The following GRHL1 variants were observed in gnomAD, a reference collection of about 807,000 sequenced individuals.
GRHL1 encodes the protein grainyhead like transcription factor 1.
Under a neutral mutation model 75.7 loss-of-function variants are expected in GRHL1, and 38 were observed. The ratio of observed to expected loss-of-function variants is 0.50; its 90% CI spans 0.39 to 0.66. The LOEUF is 0.66. Ranked by LOEUF, GRHL1 falls within the 30% of genes least tolerant of loss-of-function variation. GRHL1 has a pLI of 0.00. For synonymous variants in GRHL1, 266 were observed against 279.4 expected (o/e 0.95, Z 0.48); for missense variants, 589 against 767.5 (o/e 0.77, Z 2.75).
At chr2:9,983,169 G>A (rs1443464690) in intron 8 of GRHL1, among the ~76,000 whole-genome samples, 4 of 151,624 alleles carry the variant, frequency 2.6e-5, no homozygotes, top group Non-Finnish European at 4.4e-5. Context: ...CAGGGGCATC[G>A]TGAGCACCGG....
At chr2:9,952,131 C>T (rs1055855811) in intron 1 of GRHL1, among the ~76,000 whole-genome samples, 1 of 151,902 alleles carries the variant, frequency 6.6e-6, no homozygotes, top group East Asian at 1.9e-4. Flanking sequence ...AGGTTGGGTC[C>T]CCTCGGGCGC....
intron 15 of GRHL1, among the ~76,000 whole-genome samples, chr2:9,999,704 TTGTC>T (rs973219604): frequency 1.3e-5 from 2 of 152,234 alleles, no homozygotes; most frequent in African/African-American, 2.4e-5. Context: ...TAGTTCTTTT[TTGTC>T]TGTCTATGAT....
intron 12 of GRHL1, among the ~76,000 whole-genome samples, chr2:9,994,285 C>T (rs1039957796): frequency 6.6e-6 from 1 of 151,278 alleles, no homozygotes; most frequent in Non-Finnish European, 1.5e-5. Context: ...GGTGGGACTA[C>T]AGGCACATGC....
chr2:9,978,762 A>G (rs541716891), intron 8 of GRHL1, among the ~76,000 whole-genome samples: 2 of 152,270 alleles, frequency 1.3e-5, no homozygotes, highest in East Asian at 3.9e-4. Context: ...AGGCCGAGGC[A>G]GATGGATCAC....
At chr2:9,998,461 T>C (rs1238533264) in intron 14 of GRHL1, among the ~76,000 whole-genome samples, 4 of 39,304 alleles carry the variant, frequency 1.0e-4, no homozygotes, top group Admixed American at 3.5e-4. Flanking sequence ...TATATATACA[T>C]ATATATACGT....
rs77607642 is a variant in GRHL1 at position 10,000,586 on chromosome 2, C to G, written c.1743-7C>G. 89 of 1,571,592 alleles carry G rather than the reference C, an allele frequency of 5.7e-5. No homozygotes were observed. In the Admixed American group the frequency reaches 1.2e-3, roughly 22 times the overall value. ...GAAGTTGGTTGGTCTTGTCCCCCCCCATCCAGGATCCTGGTGAACATGGAC... is the reference window on the plus strand; with the variant it reads ...GAAGTTGGTTGGTCTTGTCCCCCCCGATCCAGGATCCTGGTGAACATGGAC... On this transcript the variant is annotated splice_polypyrimidine_tract_variant and splice_region_variant and intron_variant, in intron 15 of 15. Coordinates refer to ENST00000324907, the MANE Select transcript of GRHL1 (RefSeq NM_198182.3).
intron 11 of GRHL1, 37 bp from the exon 12 acceptor site, chr2:9,993,170 C>T: frequency 6.8e-7 from 1 of 1,470,246 alleles, no homozygotes; most frequent in Non-Finnish European, 9.5e-7. Flanking sequence ...ACATTTTGAG[C>T]ATACATTTGA....
chr2:9,976,050 A>G (rs997327594), intron 8 of GRHL1, among the ~76,000 whole-genome samples: 5 of 152,214 alleles, frequency 3.3e-5, no homozygotes, highest in Admixed American at 2.0e-4. Context: ...AGTAGCACAA[A>G]TACCACAGCA....
chr2:9,971,484 G>A (rs75895832), intron 8 of GRHL1, among the ~76,000 whole-genome samples: 2 of 152,136 alleles, frequency 1.3e-5, no homozygotes, highest in Admixed American at 6.5e-5. Context: ...TTAGTGTCTC[G>A]GCAGATTACG....
At chr2:9,984,036 C>G in intron 8 of GRHL1, among the ~76,000 whole-genome samples, 1 of 152,058 alleles carries the variant, frequency 6.6e-6, no homozygotes, top group Admixed American at 6.6e-5. Flanking sequence ...AGCCTGTAAT[C>G]CTGGCTACCC....
At chr2:9,962,282 T>TC (rs1491041321) in intron 4 of GRHL1, among the ~76,000 whole-genome samples, 173 bp from the exon 5 acceptor site, 9 of 152,206 alleles carry the variant, frequency 5.9e-5, no homozygotes, top group African/African-American at 2.2e-4. Flanking sequence ...GTGGATATTT[T>TC]CTCTGTTTTA....
At chr2:9,967,266 C>T (rs1489522022) in intron 8 of GRHL1, among the ~76,000 whole-genome samples, 1 of 152,236 alleles carries the variant, frequency 6.6e-6, no homozygotes, top group African/African-American at 2.4e-5. Context: ...GTGGCCAGCT[C>T]TTCTTCGTTG....
chr2:9,958,174 C>CT (rs61051898), intron 2 of GRHL1, among the ~76,000 whole-genome samples: 4,505 of 130,746 alleles, frequency 0.034, 147 homozygotes, highest in Middle Eastern at 0.1. Context: ...TTCTTTTTTT[C>CT]TTTTTTTTTT....
At chr2:9,988,096 A>G (rs1668498769) in intron 9 of GRHL1, among the ~76,000 whole-genome samples, 2 of 152,048 alleles carry the variant, frequency 1.3e-5, no homozygotes, top group Non-Finnish European at 1.5e-5. Flanking sequence ...TTTGTGTGGC[A>G]TTTTGGTGAT....
At chr2:9,962,016 G>A (rs1251589012) in intron 4 of GRHL1, among the ~76,000 whole-genome samples, 1 of 152,120 alleles carries the variant, frequency 6.6e-6, no homozygotes, top group Non-Finnish European at 1.5e-5. Context: ...TCTGCGTATG[G>A]AGTTAGGGGC....
rs1336579743 is a variant in GRHL1 at position 9,961,456 on chromosome 2, T to G, written c.669+20T>G. 1 of 1,582,990 alleles carries G rather than the reference T, an allele frequency of 6.3e-7. No individual in the cohort carries two copies. The highest frequency in any genetic ancestry group is 8.6e-7 in the Non-Finnish European group (1 of 1,160,232). Reference sequence around the variant, plus strand: ...CAGGAGGTAAGGAAACAAAAACATCTTCCTAAGACGCCTGCGTGTTTGTAT... The same window carrying G: ...CAGGAGGTAAGGAAACAAAAACATCGTCCTAAGACGCCTGCGTGTTTGTAT... On this transcript the variant is annotated intron_variant, in intron 4 of 15. Coordinates refer to ENST00000324907, the MANE Select transcript of GRHL1 (RefSeq NM_198182.3).
intron 8 of GRHL1, among the ~76,000 whole-genome samples, chr2:9,983,308 A>T (rs1572372816): frequency 6.8e-6 from 1 of 147,562 alleles, no homozygotes; most frequent in African/African-American, 2.5e-5. Context: ...GCAAGGTAGC[A>T]TTTTTTTTTT....
chr2:9,998,773 C>CGTATATATGTACACATAT (rs1669093004), intron 14 of GRHL1, among the ~76,000 whole-genome samples, 192 bp from the exon 15 acceptor site: 8 of 28,392 alleles, frequency 2.8e-4, no homozygotes, highest in African/African-American at 1.7e-3. Flanking sequence ...TATGTACACA[C>CGTATATATGTACACATAT]ATATATACGT....
At chr2:9,955,665 G>C (rs1230685078) in intron 2 of GRHL1, among the ~76,000 whole-genome samples, 1 of 152,150 alleles carries the variant, frequency 6.6e-6, no homozygotes, top group Non-Finnish European at 1.5e-5. Flanking sequence ...CTACTGATTT[G>C]TCTCATCATC....
Sources: gnomAD v4.1 joint callset for allele counts (sites outside exome capture counted in the v4.1 genomes callset) on GRCh38, gnomAD v4.1.1 for gene constraint, MANE v1.5 for transcripts, NCBI Gene and HGNC (gene_info 2026-07-23, HGNC 2026-07-21) for gene names.